GABRB1: variants seen among roughly 807,000 people sequenced by gnomAD.
GABRB1 encodes gamma-aminobutyric acid type A receptor subunit beta1.
Under a neutral mutation model 51.6 loss-of-function variants are expected in GABRB1, and 17 were observed. That is an observed-to-expected ratio of 0.33 (90% CI 0.23 to 0.49). GABRB1 has a LOEUF of 0.49. GABRB1 is among the 20% of genes least tolerant of loss of function. The probability of loss-of-function intolerance (pLI) is 0.99; values close to 1 mark genes in which losing one functional copy is unlikely to be tolerated. For missense variants in GABRB1, 410 were observed against 600.6 expected (o/e 0.68, Z 3.32); for synonymous variants, 247 against 218.9 (o/e 1.13, Z -1.14).
chr4:47,403,546 T>C lies in GABRB1; in HGVS notation c.683-13T>C, dbSNP rs920816945. Reference sequence around the variant, plus strand: ...TAATGGTCTGATTACTTGTCTTTTGTTTCTCAACTCAGGAGCGTATCCACG... The same window carrying C: ...TAATGGTCTGATTACTTGTCTTTTGCTTCTCAACTCAGGAGCGTATCCACG... On this transcript the variant is annotated splice_polypyrimidine_tract_variant and intron_variant, in intron 6 of 8. Transcript: ENST00000295454. The C allele has an allele frequency of 6.2e-7, 1 of 1,613,706 alleles. No individual in the cohort carries two copies. The highest frequency in any genetic ancestry group is 1.3e-5 in the African/African-American group (1 of 74,922).
intron 3 of GABRB1, among the ~76,000 whole-genome samples, chr4:47,071,917 G>A (rs1382905247): frequency 2.0e-5 from 3 of 151,644 alleles, no homozygotes; most frequent in Middle Eastern, 6.4e-3. Flanking sequence ...TGATGAGGGC[G>A]ACAGGGGTGA....
chr4:47,254,370 T>TTTTTTTG lies in GABRB1; in HGVS notation c.462-65751_462-65750insGTTTTTT, dbSNP rs1560299783. Among the ~76,000 whole-genome samples, 10 of 119,922 alleles carry TTTTTTTG rather than the reference T, an allele frequency of 8.3e-5. 1 individual carries two copies. The highest frequency in any genetic ancestry group is 2.6e-4 in the African/African-American group (8 of 30,556). 78.7% of individuals were successfully genotyped at this position (119,922 alleles called of 152,430 possible). On this transcript the variant is annotated intron_variant, in intron 4 of 8. Coordinates refer to ENST00000295454, the MANE Select transcript of GABRB1 (RefSeq NM_000812.4). ...GATGTTTCTTTTCTTTGTTTTTTTT[T>TTTTTTTG]TTTTTTTTTTTTTTTTTTTTTTGAG...
chr4:47,143,630 T>C (rs542555730), intron 3 of GABRB1, among the ~76,000 whole-genome samples: 3 of 152,104 alleles, frequency 2.0e-5, no homozygotes, highest in Admixed American at 2.0e-4. Flanking sequence ...CAACTCTCTA[T>C]AGCTGGATCA....
intron 4 of GABRB1, among the ~76,000 whole-genome samples, chr4:47,193,693 C>T (rs1719535539): frequency 6.6e-6 from 1 of 152,150 alleles, no homozygotes; most frequent in Admixed American, 6.5e-5. Flanking sequence ...ACACTGAAAG[C>T]ATTTAGTCTA....
chr4:47,325,831 C>A (rs1000564436), intron 5 of GABRB1, among the ~76,000 whole-genome samples: 6 of 151,982 alleles, frequency 3.9e-5, no homozygotes, highest in African/African-American at 1.5e-4. Flanking sequence ...TTTAGTTTCC[C>A]ATTGCTATTG....
intron 3 of GABRB1, among the ~76,000 whole-genome samples, chr4:47,043,622 C>A (rs544056159): frequency 1.3e-5 from 2 of 152,080 alleles, no homozygotes; most frequent in South Asian, 4.2e-4. Context: ...GAGATATGAG[C>A]CAAAACTCAA....
intron 5 of GABRB1, among the ~76,000 whole-genome samples, chr4:47,321,163 C>T (rs192649124): frequency 6.6e-6 from 1 of 152,114 alleles, no homozygotes; most frequent in Non-Finnish European, 1.5e-5. Flanking sequence ...CTAATCAGAA[C>T]ATTACTATAG....
At chr4:47,262,123 A>G (rs1358632163) in intron 4 of GABRB1, among the ~76,000 whole-genome samples, 1 of 151,570 alleles carries the variant, frequency 6.6e-6, no homozygotes, top group Non-Finnish European at 1.5e-5. Flanking sequence ...CATTCAGGAC[A>G]TAGGCATGGG....
chr4:47,228,053 G>A (rs996194692), intron 4 of GABRB1, among the ~76,000 whole-genome samples: 2 of 152,112 alleles, frequency 1.3e-5, no homozygotes, highest in Admixed American at 1.3e-4. Flanking sequence ...TGTACAACAC[G>A]TGAATTTGGA....
intron 5 of GABRB1, among the ~76,000 whole-genome samples, chr4:47,328,659 T>C (rs955802442): frequency 3.3e-5 from 5 of 151,562 alleles, no homozygotes; most frequent in African/African-American, 1.2e-4. Flanking sequence ...CAGCAAACTA[T>C]CACAAGGACG....
intron 3 of GABRB1, among the ~76,000 whole-genome samples, chr4:47,098,151 AACACACACACACACACACAC>A (rs59294163): frequency 6.7e-6 from 1 of 148,226 alleles, no homozygotes; most frequent in Non-Finnish European, 1.5e-5. Flanking sequence ...TTTTAGTACA[AACACACACACACACACACAC>A]ACACACACAC....
At chr4:47,169,605 G>A (rs1270371354) in intron 4 of GABRB1, among the ~76,000 whole-genome samples, 3 of 151,906 alleles carry the variant, frequency 2.0e-5, no homozygotes, top group Non-Finnish European at 2.9e-5. Context: ...AGGTTCAAGC[G>A]ATTCTCCTGC....
intron 3 of GABRB1, among the ~76,000 whole-genome samples, chr4:47,066,387 CACTT>C (rs149336950): frequency 5.9e-5 from 9 of 152,270 alleles, no homozygotes; most frequent in Admixed American, 1.3e-4. Context: ...CAGAGATTGA[CACTT>C]TCTTTCATGA....
chr4:47,324,622 C>T (rs1294807504), intron 5 of GABRB1, among the ~76,000 whole-genome samples: 2 of 152,196 alleles, frequency 1.3e-5, no homozygotes, highest in Non-Finnish European at 2.9e-5. Context: ...AAACTGTTCT[C>T]AGAAAGGTCA....
intron 4 of GABRB1, among the ~76,000 whole-genome samples, chr4:47,204,924 A>T (rs1577999528): frequency 6.6e-6 from 1 of 152,166 alleles, no homozygotes; most frequent in Non-Finnish European, 1.5e-5. Context: ...CATCTAATCA[A>T]ACACAACTCT....
intron 3 of GABRB1, among the ~76,000 whole-genome samples, chr4:47,049,517 C>T (rs930176042): frequency 6.6e-6 from 1 of 152,134 alleles, no homozygotes; most frequent in Non-Finnish European, 1.5e-5. Context: ...AAGGTCAGAT[C>T]ATTTCATCAC....
upstream of GABRB1, among the ~76,000 whole-genome samples, chr4:47,029,569 C>A (rs180734614): frequency 2.6e-3 from 393 of 151,982 alleles, no homozygotes; most frequent in Admixed American, 4.9e-3. Flanking sequence ...ACATAGTTAT[C>A]GCAATAATCT....
Position 47,078,874 on chromosome 4 carries a change from G to A in GABRB1, c.240+46390G>A, listed in dbSNP as rs190293122. On this transcript the variant is annotated intron_variant, in intron 3 of 8. Transcript: ENST00000295454. ...GTCTCCAGAGTCCATTTCTTTCAGG[G>A]TTCTGCTCTCTGCTAAGAAAAATCA... Among the ~76,000 whole-genome samples, 24 of 152,092 alleles carry A rather than the reference G, an allele frequency of 1.6e-4. 1 individual carries two copies. The Middle Eastern group carries it at 0.01, about 65-fold the overall frequency.
chr4:47,320,007 T>G (rs1725018624), intron 4 of GABRB1, 120 bp from the exon 5 acceptor site: 2 of 723,336 alleles, frequency 2.8e-6, no homozygotes, highest in African/African-American at 3.5e-5. Flanking sequence ...TCTTAAAATC[T>G]CACAAAATTT....
Sources: allele counts gnomAD v4.1 joint callset (sites outside exome capture counted in the v4.1 genomes callset), GRCh38; gene constraint gnomAD v4.1.1; transcripts MANE v1.5; gene names NCBI Gene and HGNC (gene_info 2026-07-23, HGNC 2026-07-21).